The following NCKAP5 variants were observed in gnomAD, a reference collection of about 807,000 sequenced individuals.
NCKAP5 encodes the protein NCK associated protein 5, also known as nck-associated protein 5.
In NCKAP5, 92 loss-of-function variants were observed where a neutral mutation model predicts 167.0. The observed-to-expected ratio is 0.55, with a 90% CI of 0.47 to 0.66. The LOEUF is 0.66. Ranked by LOEUF, NCKAP5 falls within the 30% of genes least tolerant of loss-of-function variation. NCKAP5 has a pLI of 0.00. For missense variants in NCKAP5, 2,378 were observed against 2,315.0 expected (o/e 1.03, Z -0.56); for synonymous variants, 891 against 877.4 (o/e 1.02, Z -0.27).
chr2:133,227,729 C>G (rs1559292405), intron 4 of NCKAP5, among the ~76,000 whole-genome samples: 1 of 152,218 alleles, frequency 6.6e-6, no homozygotes, highest in Non-Finnish European at 1.5e-5. Context: ...TCTCACTTTC[C>G]TTTCAGAGTC....
chr2:132,934,630 CAA>C (rs1696703029), intron 8 of NCKAP5, among the ~76,000 whole-genome samples: 1 of 151,814 alleles, frequency 6.6e-6, no homozygotes, highest in African/African-American at 2.4e-5. Context: ...CTATGAAAAT[CAA>C]AGTTAAAGAA....
In NCKAP5 at chr2:133,205,983, G is replaced by A. The variant is rs537710737; in HGVS notation, c.207+7733C>T. On this transcript the variant is annotated intron_variant, in intron 5 of 19. Coordinates refer to ENST00000409261, the MANE Select transcript of NCKAP5 (RefSeq NM_207363.3). ...AAGATTCCTTTAGATTTTCTACTTA[G>A]ACAATCATTACTTGCAAATAATCTA... is the stretch of plus-strand genomic sequence containing the variant. Among the ~76,000 whole-genome samples the A allele has an allele frequency of 2.6e-5, 4 of 152,136 alleles. No individual in the cohort carries two copies. The East Asian group carries it at 7.7e-4, about 29-fold the overall frequency.
At chr2:132,865,978 TG>T (rs769033059) in intron 10 of NCKAP5, among the ~76,000 whole-genome samples, 5 of 152,176 alleles carry the variant, frequency 3.3e-5, no homozygotes, top group Non-Finnish European at 5.9e-5. Context: ...TGGACACGGA[TG>T]GTTCAATTGC....
intron 5 of NCKAP5, among the ~76,000 whole-genome samples, chr2:133,138,975 A>T (rs2082899224): frequency 1.3e-5 from 2 of 152,130 alleles, no homozygotes; most frequent in African/African-American, 2.4e-5. Flanking sequence ...CTGTTGCTTT[A>T]AACTCACGAA....
At chr2:133,534,587 T>C (rs972210251) in intron 2 of NCKAP5, among the ~76,000 whole-genome samples, 5 of 152,224 alleles carry the variant, frequency 3.3e-5, no homozygotes, top group Non-Finnish European at 5.9e-5. Flanking sequence ...AGAATCATGA[T>C]AAGTAATCTT....
the NCKAP5 span, among the ~76,000 whole-genome samples, chr2:133,620,363 T>C: frequency 6.6e-6 from 1 of 152,102 alleles, no homozygotes; most frequent in African/African-American, 2.4e-5. Flanking sequence ...AAGTTTCTGC[T>C]GTCTTCAGGA....
rs188321274 is a variant in NCKAP5 at position 133,130,792 on chromosome 2, C to A, written c.208-681G>T. Among the ~76,000 whole-genome samples, 280 of 152,324 alleles carry A rather than the reference C, an allele frequency of 1.8e-3. 1 individual carries two copies. The highest frequency in any genetic ancestry group is 6.2e-3 in the African/African-American group (256 of 41,568). On this transcript the variant is annotated intron_variant, in intron 5 of 19. Coordinates refer to ENST00000409261, the MANE Select transcript of NCKAP5 (RefSeq NM_207363.3). ...TGGTAAAAAGCACACAGCTCAGATC[C>A]TCCTGATAGCACTGAGTCAGCTACA...
intron 3 of NCKAP5, among the ~76,000 whole-genome samples, chr2:133,309,300 C>A (rs1162060172): frequency 6.6e-6 from 1 of 151,896 alleles, no homozygotes; most frequent in Non-Finnish European, 1.5e-5. Flanking sequence ...AAAATAATGT[C>A]CATGAAGATT....
chr2:132,715,261 C>T (rs1689256421), intron 19 of NCKAP5, among the ~76,000 whole-genome samples: 1 of 152,130 alleles, frequency 6.6e-6, no homozygotes, highest in East Asian at 1.9e-4. Flanking sequence ...TTTCTTTTCC[C>T]CACCTACCCC....
intron 6 of NCKAP5, among the ~76,000 whole-genome samples, chr2:133,128,315 T>C (rs190428695): frequency 1.3e-5 from 2 of 152,324 alleles, no homozygotes; most frequent in Admixed American, 1.3e-4. Context: ...ACAAATTATT[T>C]TCCTGATTTT....
In NCKAP5 at chr2:132,784,910, T is replaced by A; in HGVS notation, c.1901A>T (p.Glu634Val). The change falls in exon 14 of 20, where the codon GAG becomes GTG. Residue 634 changes from glutamate (E) to valine (V), a missense_variant. By Grantham distance (121) the Glu-to-Val change is moderately radical (BLOSUM62 -2). This residue lies in a region of NCKAP5 where 1,049 missense variants were observed against 1,023.4 expected (regional missense o/e 1.02). Coordinates refer to ENST00000409261, the MANE Select transcript of NCKAP5 (RefSeq NM_207363.3). The part of the protein sequence containing the change: ...GKSLCGSPEE[E>V]EKQVPIPSET... ...TGAAGGGATGGGCACTTGTTTTTCC[T>A]CCTCTTCAGGAGACCCACATAGAGA... The A allele has an allele frequency of 6.4e-7, 1 of 1,572,808 alleles. No homozygotes were observed. The highest frequency in any genetic ancestry group is 8.6e-7 in the Non-Finnish European group (1 of 1,160,394).
intron 3 of NCKAP5, among the ~76,000 whole-genome samples, chr2:133,413,500 T>C (rs889347994): frequency 1.3e-5 from 2 of 152,116 alleles, no homozygotes; most frequent in African/African-American, 2.4e-5. Flanking sequence ...ACTATAGTTA[T>C]ATGTGATGTT....
chr2:133,618,493 A>G, the NCKAP5 span, among the ~76,000 whole-genome samples: 1 of 149,566 alleles, frequency 6.7e-6, no homozygotes, highest in Non-Finnish European at 1.5e-5. Context: ...AAGTGGGCGA[A>G]GGACATGAAC....
intron 3 of NCKAP5, among the ~76,000 whole-genome samples, chr2:133,363,895 T>C (rs1177983721): frequency 1.3e-5 from 2 of 152,222 alleles, no homozygotes; most frequent in African/African-American, 4.8e-5. Flanking sequence ...CTTGTAACAT[T>C]ATTTACATTT....
At chr2:133,660,668 G>A in the NCKAP5 span, among the ~76,000 whole-genome samples, 2 of 152,000 alleles carry the variant, frequency 1.3e-5, no homozygotes, top group Non-Finnish European at 1.5e-5. Flanking sequence ...CTCCAAAGAC[G>A]TATTAGAACA....
intron 1 of NCKAP5, among the ~76,000 whole-genome samples, chr2:133,561,957 A>G (rs1357025378): frequency 6.6e-6 from 1 of 152,198 alleles, no homozygotes; most frequent in Non-Finnish European, 1.5e-5. Context: ...CAACGTAAAC[A>G]ATATTTGTAA....
intron 4 of NCKAP5, among the ~76,000 whole-genome samples, chr2:133,214,382 T>C (rs1051326926): frequency 6.6e-6 from 1 of 152,208 alleles, no homozygotes; most frequent in Admixed American, 6.5e-5. Context: ...TGGTATATAG[T>C]AGTTTTTTGG....
intron 19 of NCKAP5, among the ~76,000 whole-genome samples, chr2:132,680,105 G>T (rs1173074995): frequency 2.6e-5 from 4 of 152,102 alleles, no homozygotes; most frequent in Non-Finnish European, 5.9e-5. Flanking sequence ...CAAGAGTTGT[G>T]ATATTAACCC....
At chr2:133,490,112 C>A (rs1308578395) in intron 3 of NCKAP5, among the ~76,000 whole-genome samples, 1 of 152,168 alleles carries the variant, frequency 6.6e-6, no homozygotes, top group Non-Finnish European at 1.5e-5. Flanking sequence ...TTTTCATTTT[C>A]AACATAATTT....
Sources: gnomAD v4.1 joint callset for allele counts (sites outside exome capture counted in the v4.1 genomes callset) on GRCh38, gnomAD v4.1.1 for gene constraint, gnomAD v4.1.1 regional missense constraint, MANE v1.5 for transcripts, NCBI Gene and HGNC (gene_info 2026-07-23, HGNC 2026-07-21) for gene names.